The following SDK2 variants were observed in gnomAD, a reference collection of about 807,000 sequenced individuals.
The protein encoded by SDK2 is protein sidekick-2.
SDK2 carries 105 observed loss-of-function variants against 253.9 expected under a neutral mutation model. That is an observed-to-expected ratio of 0.41 (90% CI 0.35 to 0.49). The LOEUF is 0.49. SDK2 is among the 20% of genes least tolerant of loss of function. The probability of loss-of-function intolerance (pLI) is 0.06; values close to 1 mark genes in which losing one functional copy is unlikely to be tolerated. For synonymous variants in SDK2, 1,249 were observed against 1,234.9 expected (o/e 1.01, Z -0.24); for missense variants, 2,608 against 3,003.0 (o/e 0.87, Z 3.07).
At chr17:73,551,963 G>T (rs2045066560) in intron 1 of SDK2, among the ~76,000 whole-genome samples, 1 of 152,210 alleles carries the variant, frequency 6.6e-6, no homozygotes, top group African/African-American at 2.4e-5. Context: ...GTGATTGGCT[G>T]CCACCAGACT....
At chr17:73,464,999 G>T (rs2063587520) in intron 3 of SDK2, among the ~76,000 whole-genome samples, 1 of 152,016 alleles carries the variant, frequency 6.6e-6, no homozygotes, top group African/African-American at 2.4e-5. Context: ...GGCATATGGG[G>T]GTGTGCAGCA....
At chr17:73,526,327 T>A (rs2064125276) in intron 1 of SDK2, among the ~76,000 whole-genome samples, 1 of 152,094 alleles carries the variant, frequency 6.6e-6, no homozygotes, top group Non-Finnish European at 1.5e-5. Flanking sequence ...TGAGATGAAC[T>A]CTGATTCAAG....
rs554731118 is a variant in SDK2, at chr17:73,584,376, G to A, written c.64+59649C>T. Among the ~76,000 whole-genome samples, 224 of 152,306 alleles carry A rather than the reference G, an allele frequency of 1.5e-3. 1 individual carries two copies. Among genetic ancestry groups the A allele is most frequent in the African/African-American group, 3.6e-3 (148 of 41,570 alleles). On this transcript the variant is annotated intron_variant, in intron 1 of 44. Coordinates refer to ENST00000392650, the MANE Select transcript of SDK2 (RefSeq NM_001144952.2). ...CTTTTCCAATAAGGTTGTTGCTGTC[G>A]GTAGAAAAGGGCTGGGTGAGGGTCA...
chr17:73,361,950 T>C lies in SDK2; in HGVS notation c.5306-105A>G, dbSNP rs1309422635. The C allele has an allele frequency of 1.8e-6, 2 of 1,121,840 alleles. No individual in the cohort carries two copies. Among genetic ancestry groups the C allele is most frequent in the Non-Finnish European group, 2.5e-6 (2 of 805,328 alleles). The allele number at this position is 1,121,840 out of a possible 1,614,324, so 69.5% of individuals were successfully genotyped here. On this transcript the variant is annotated intron_variant, in intron 38 of 44. Transcript: ENST00000392650. The surrounding 1 kb of genome is among the most constrained non-coding windows in gnomAD (Gnocchi z 4.1). Reference sequence around the variant, plus strand: ...GTGGCCTGGGCCCCGGGACCCTGGGTAGGGGCCTCACTCCTTGAGGTCAGG... The same window carrying C: ...GTGGCCTGGGCCCCGGGACCCTGGGCAGGGGCCTCACTCCTTGAGGTCAGG...
At chr17:73,453,869 C>T (rs78158521) in intron 4 of SDK2, among the ~76,000 whole-genome samples, 51 of 152,248 alleles carry the variant, frequency 3.3e-4, no homozygotes, top group African/African-American at 1.0e-3. Flanking sequence ...TACACAGTCA[C>T]GCACTGCATA....
intron 28 of SDK2, 92 bp from the exon 29 acceptor site, chr17:73,390,573 T>G: frequency 3.1e-6 from 4 of 1,286,872 alleles, no homozygotes; most frequent in Non-Finnish European, 4.3e-6. Context: ...GCCACAGCTG[T>G]GTCTGTACAT....
chr17:73,420,609 G>A lies in SDK2; in HGVS notation c.2046-1303C>T, dbSNP rs112174131. 6.7e-3 allele frequency among the ~76,000 whole-genome samples: 1,014 copies of A among 152,094 alleles called. 14 individuals are homozygous for A. Among genetic ancestry groups the A allele is most frequent in the African/African-American group, 0.023 (963 of 41,472 alleles). On this transcript the variant is annotated intron_variant, in intron 15 of 44. Coordinates refer to ENST00000392650, the MANE Select transcript of SDK2 (RefSeq NM_001144952.2). ...GCCTCCCAAAGTGCTGGGATTACAG[G>A]CATGAGCCACTGCACCTGGCCCGCT...
chr17:73,514,049 G>T (rs1167033417), intron 1 of SDK2, among the ~76,000 whole-genome samples: 1 of 152,184 alleles, frequency 6.6e-6, no homozygotes, highest in Non-Finnish European at 1.5e-5. Flanking sequence ...TGGACCACAG[G>T]TATGAATTAC....
chr17:73,624,949 C>T (rs943619106), intron 1 of SDK2, among the ~76,000 whole-genome samples: 4 of 152,194 alleles, frequency 2.6e-5, no homozygotes, highest in Admixed American at 6.5e-5. Flanking sequence ...CAAGAGTCAA[C>T]AGGGAAGGAG....
chr17:73,395,349 C>G lies in SDK2; in HGVS notation c.3398G>C (p.Gly1133Ala). The G allele has an allele frequency of 6.2e-7, 1 of 1,613,956 alleles. No homozygotes were observed. The highest frequency in any genetic ancestry group is 8.5e-7 in the Non-Finnish European group (1 of 1,179,882). Residue 1133 changes from glycine (G) to alanine (A), a missense_variant, in exon 25 of 45, where the codon GGC (glycine) becomes GCC (alanine). Gly to Ala is a moderately conservative substitution (Grantham distance 60, BLOSUM62 0). Transcript: ENST00000392650. This position sits in a 1 kb window ranked among gnomAD's most constrained non-coding sequence, Gnocchi z 4.3. ...TGACCGGCTGTACTTGATCTTATAG[C>G]CCACGGACTCAGGGTTCCCATTGTA... is the stretch of plus-strand genomic sequence containing the variant. ...MEYNGNPESV[G>A]YKIKYSRSDG...
At chr17:73,580,745 G>C (rs1255525919) in intron 1 of SDK2, among the ~76,000 whole-genome samples, 1 of 152,208 alleles carries the variant, frequency 6.6e-6, no homozygotes, top group African/African-American at 2.4e-5. Flanking sequence ...TATGTAAAAG[G>C]CTTGGGACCC....
intron 18 of SDK2, among the ~76,000 whole-genome samples, chr17:73,412,145 T>C (rs2063142905): frequency 1.1e-4 from 1 of 8,920 alleles, no homozygotes; most frequent in African/African-American, 2.3e-4. Context: ...TGTGTATATG[T>C]ATATATACGT....
At position 73,422,345 on chromosome 17, in the gene SDK2, A is replaced by C. The variant is rs375622516; in HGVS notation, c.1987T>G (p.Phe663Val). 6.2e-7 allele frequency: 1 copy of C among 1,613,824 alleles called. No homozygotes were observed. The highest frequency in any genetic ancestry group is 1.3e-5 in the African/African-American group (1 of 74,900). The change falls in exon 15 of 45, where the codon TTC (phenylalanine) becomes GTC (valine). Residue 663 changes from phenylalanine (F) to valine (V), a missense_variant. Transcript: ENST00000392650. The stretch of plus-strand genomic sequence containing the variant: ...ACGTCGTTGACGGCACAAAGACGGA[A>C]CTGGTAGGAGCGTGCAGGAACCAGG... ...KGLVPARSYQ[F>V]RLCAVNDVGK...
intron 1 of SDK2, among the ~76,000 whole-genome samples, chr17:73,605,855 AGTCC>A (rs2045900901): frequency 6.6e-6 from 1 of 152,172 alleles, no homozygotes; most frequent in South Asian, 2.1e-4. Context: ...GCAGATCGGT[AGTCC>A]CTTCTCTGGA....
In SDK2 at chr17:73,352,708, T is replaced by C. The variant is rs2062550375; in HGVS notation, c.5594-71A>G. On this transcript the variant is annotated intron_variant, in intron 40 of 44. Transcript: ENST00000392650. This position sits in a 1 kb window ranked among gnomAD's most constrained non-coding sequence, Gnocchi z 4.1. The stretch of plus-strand genomic sequence containing the variant: ...CCAAATCCCGCTCCCAGCCCCGTTC[T>C]GACTATGCTCCCTGAGGGCTGGGCC... 25 of 1,516,016 alleles carry C rather than the reference T, an allele frequency of 1.6e-5. No homozygotes were observed. In the South Asian group the frequency reaches 2.8e-4, roughly 17 times the overall value. The allele number at this position is 1,516,016 out of a possible 1,614,324, so 93.9% of individuals were successfully genotyped here. A position where few individuals can be genotyped will look rare whatever the true frequency, so the allele number is the denominator to read the frequency against.
chr17:73,359,569 C>T (rs576751069), intron 39 of SDK2, among the ~76,000 whole-genome samples: 5 of 152,308 alleles, frequency 3.3e-5, no homozygotes, highest in East Asian at 3.9e-4. Context: ...GAGCTTCCAG[C>T]GAGTCCAGCC....
intron 2 of SDK2, among the ~76,000 whole-genome samples, chr17:73,479,736 C>A (rs2063709594): frequency 6.6e-6 from 1 of 152,146 alleles, no homozygotes; most frequent in Admixed American, 6.6e-5. Context: ...TGTCACCCAG[C>A]CTGGAGTGCA....
chr17:73,638,547 C>T (rs2046359942), intron 1 of SDK2, among the ~76,000 whole-genome samples: 1 of 151,984 alleles, frequency 6.6e-6, no homozygotes, highest in South Asian at 2.1e-4. Flanking sequence ...GCAGGAACTT[C>T]AAGTGCCAGG....
Position 73,472,167 on chromosome 17 carries a change from G to T in SDK2, c.276C>A (p.Ile92=). The T allele has an allele frequency of 6.4e-7, 1 of 1,551,694 alleles. No individual in the cohort carries two copies. Among genetic ancestry groups the T allele is most frequent in the Non-Finnish European group, 8.7e-7 (1 of 1,146,998 alleles). Residue 92 remains isoleucine (I), a synonymous_variant, in exon 3 of 45, where the codon ATC becomes ATA. Transcript: ENST00000392650. The part of the protein sequence containing the change: ...DRTHAGFYRC[I]VRNRMGALLQ... ...GCAGGGCCCCCATTCGGTTCCGCAC[G>T]ATGCAACGGTAAAAGCCAGCGTGGG...
Sources: gnomAD v4.1 joint callset for allele counts (sites outside exome capture counted in the v4.1 genomes callset) on GRCh38, gnomAD v4.1.1 for gene constraint, Gnocchi (gnomAD v3.1) non-coding constraint, MANE v1.5 for transcripts, NCBI Gene and HGNC (gene_info 2026-07-23, HGNC 2026-07-21) for gene names.